Variants in NRG4 observed in about 807,000 individuals in gnomAD.
The protein encoded by NRG4 is pro-neuregulin-4, membrane-bound isoform.
Under a neutral mutation model 15.0 loss-of-function variants are expected in NRG4, and 10 were observed. The observed-to-expected ratio is 0.67, with a 90% CI of 0.41 to 1.13. The LOEUF (loss-of-function observed/expected upper bound fraction) is 1.13. Among genes scored for constraint, NRG4 ranks in the 50% most tolerant of loss-of-function variants. The pLI is 0.00. For synonymous variants in NRG4, 41 were observed against 50.1 expected (o/e 0.82, Z 0.77); for missense variants, 139 against 140.2 (o/e 0.99, Z 0.04).
At position 76,050,971 on chromosome 15, in the gene NRG4, ATTT is replaced by A. The variant is rs896175029; in HGVS notation, c.-105+1093_-105+1095del. Among the ~76,000 whole-genome samples the A allele has an allele frequency of 7.6e-4, 110 of 144,960 alleles. 1 individual carries two copies. Among genetic ancestry groups the A allele is most frequent in the South Asian group, 4.2e-4 (2 of 4,706 alleles). On this transcript the variant is annotated intron_variant, in intron 4 of 8. Transcript: ENST00000563910. ...CAGGTGTGTGCCACCATGCCTGCCT[ATTT>A]TTATTTATTTATTTATTTATTTATT...
downstream of NRG4, chr15:75,936,910 T>A (rs922568710): frequency 6.6e-5 from 10 of 152,150 alleles, no homozygotes; most frequent in Non-Finnish European, 1.0e-4. Flanking sequence ...TATAAAAGTT[T>A]TTGCTATATA....
chr15:75,986,296 A>G (rs2033800825), intron 3 of NRG4, among the ~76,000 whole-genome samples: 1 of 152,228 alleles, frequency 6.6e-6, no homozygotes, highest in South Asian at 2.1e-4. Flanking sequence ...ACCAAAATTA[A>G]TATGCATATA....
chr15:75,993,555 C>A (rs1008247913), intron 3 of NRG4, among the ~76,000 whole-genome samples: 2 of 151,882 alleles, frequency 1.3e-5, no homozygotes, highest in African/African-American at 2.4e-5. Flanking sequence ...CAAAAATTAG[C>A]CAGGCTGCAT....
intron 3 of NRG4, among the ~76,000 whole-genome samples, chr15:75,992,266 AAG>A (rs2034044789): frequency 1.3e-5 from 2 of 152,174 alleles, no homozygotes; most frequent in Admixed American, 1.3e-4. Context: ...GTTGAGATTT[AAG>A]AGACAGTTTT....
At chr15:75,988,143 A>C (rs916445794) in intron 3 of NRG4, among the ~76,000 whole-genome samples, 3 of 152,184 alleles carry the variant, frequency 2.0e-5, no homozygotes, top group Non-Finnish European at 2.9e-5. Flanking sequence ...TAGTTACAGC[A>C]TGTGTCAGAG....
chr15:75,967,722 A>G (rs1042033639), intron 3 of NRG4, among the ~76,000 whole-genome samples: 2 of 152,114 alleles, frequency 1.3e-5, no homozygotes, highest in African/African-American at 4.8e-5. Context: ...TCGGCATCCC[A>G]AAGTGCTGGG....
chr15:75,939,963 A>G (rs144391586), downstream of NRG4: 268 of 152,210 alleles, frequency 1.8e-3, 3 homozygotes, highest in African/African-American at 6.0e-3. Flanking sequence ...GATCAAGACA[A>G]TGCTCATTTC....
Position 76,048,500 on chromosome 15 carries a change from G to A in NRG4, c.-105+3567C>T, listed in dbSNP as rs759075511. On this transcript the variant is annotated intron_variant, in intron 4 of 8. Transcript: ENST00000563910. The stretch of plus-strand genomic sequence containing the variant: ...AAAAAAAAAAAAAAAAAGCTGGCTG[G>A]TGAATGTGATTTATAAACTCTTAAG... Among the ~76,000 whole-genome samples, 5 of 149,428 alleles carry A rather than the reference G, an allele frequency of 3.3e-5. 1 individual carries two copies. The highest frequency in any genetic ancestry group is 5.0e-5 in the African/African-American group (2 of 39,856).
chr15:75,944,241 A>G (rs917963111), intron 5 of NRG4, among the ~76,000 whole-genome samples: 2 of 152,214 alleles, frequency 1.3e-5, no homozygotes, highest in Non-Finnish European at 2.9e-5. Context: ...TAGAGTGAGA[A>G]TAATACCACC....
At chr15:75,949,419 C>T (rs938429216) in intron 5 of NRG4, among the ~76,000 whole-genome samples, 3 of 151,330 alleles carry the variant, frequency 2.0e-5, no homozygotes, top group African/African-American at 7.3e-5. Flanking sequence ...AAATCTTGCC[C>T]AAACTTTAAA....
At chr15:76,038,719 G>T (rs2035656137) in intron 4 of NRG4, among the ~76,000 whole-genome samples, 1 of 152,176 alleles carries the variant, frequency 6.6e-6, no homozygotes, top group Non-Finnish European at 1.5e-5. Context: ...AGCCTGGTTG[G>T]CTTCACTAGA....
intron 5 of NRG4, among the ~76,000 whole-genome samples, chr15:75,955,567 A>G (rs1173633696): frequency 6.6e-6 from 1 of 152,206 alleles, no homozygotes; most frequent in Non-Finnish European, 1.5e-5. Context: ...TTTGTCTACA[A>G]GTTTCCCAAA....
At chr15:76,020,909 G>A (rs1012129330) in intron 5 of NRG4, among the ~76,000 whole-genome samples, 4 of 152,238 alleles carry the variant, frequency 2.6e-5, no homozygotes, top group Non-Finnish European at 5.9e-5. Flanking sequence ...TGTAGAAGCT[G>A]CAGCAAATTA....
chr15:75,964,836 G>C (rs1166784934), intron 3 of NRG4, among the ~76,000 whole-genome samples: 1 of 152,070 alleles, frequency 6.6e-6, no homozygotes, highest in African/African-American at 2.4e-5. Context: ...TGAGGTGGGA[G>C]AATCACTTGA....
At chr15:75,965,856 A>G (rs537325497) in intron 3 of NRG4, among the ~76,000 whole-genome samples, 20 of 152,358 alleles carry the variant, frequency 1.3e-4, no homozygotes, top group Non-Finnish European at 2.5e-4. Flanking sequence ...TTGCACCAGC[A>G]TTTACCCAGA....
chr15:76,047,744 GA>G lies in NRG4; in HGVS notation c.-105+4322del, dbSNP rs772942087. On this transcript the variant is annotated intron_variant, in intron 4 of 8. Transcript: ENST00000563910. ...ATGTATATTTTACCTCAAAAAAAGT[GA>G]AAAAAAATAGTGTATAGTTGCAGTC... 1.3e-4 allele frequency among the ~76,000 whole-genome samples: 19 copies of G among 150,170 alleles called. 2 individuals are homozygous for G. The highest frequency in any genetic ancestry group is 3.2e-4 in the African/African-American group (13 of 40,270).
chr15:75,964,951 C>G (rs184388155), intron 3 of NRG4, among the ~76,000 whole-genome samples: 1 of 151,988 alleles, frequency 6.6e-6, no homozygotes, highest in South Asian at 2.1e-4. Flanking sequence ...AGAGGCCGGA[C>G]GCAGTGCCTC....
chr15:75,955,655 G>T (rs998136158), intron 5 of NRG4, among the ~76,000 whole-genome samples: 4 of 151,956 alleles, frequency 2.6e-5, no homozygotes, highest in African/African-American at 9.7e-5. Flanking sequence ...TGAGAAACCA[G>T]TCCCTTATAT....
chr15:76,054,891 C>T (rs142270942), intron 2 of NRG4, among the ~76,000 whole-genome samples: 14 of 152,282 alleles, frequency 9.2e-5, no homozygotes, highest in Admixed American at 2.6e-4. Context: ...AATAACATTA[C>T]ACCTCTTTTC....
Sources: allele counts gnomAD v4.1 joint callset (sites outside exome capture counted in the v4.1 genomes callset), GRCh38; gene constraint gnomAD v4.1.1; transcripts MANE v1.5; gene names NCBI Gene and HGNC (gene_info 2026-07-23, HGNC 2026-07-21).